ADAM12: variants seen among roughly 807,000 people sequenced by gnomAD.
The protein encoded by ADAM12 is ADAM metallopeptidase domain 12.
ADAM12 carries 70 observed loss-of-function variants against 106.4 expected under a neutral mutation model. The observed-to-expected ratio is 0.66, with a 90% CI of 0.54 to 0.80. The LOEUF (loss-of-function observed/expected upper bound fraction) is 0.80, where lower values mean the gene tolerates loss of function less well. Ranked by LOEUF, ADAM12 falls within the 30% of genes least tolerant of loss-of-function variation. ADAM12 has a pLI of 0.00. For synonymous variants in ADAM12, 420 were observed against 433.5 expected (o/e 0.97, Z 0.39); for missense variants, 1,010 against 1,171.9 (o/e 0.86, Z 2.02).
intron 3 of ADAM12, among the ~76,000 whole-genome samples, chr10:126,156,624 A>G (rs1956820434): frequency 6.6e-6 from 1 of 152,236 alleles, no homozygotes; most frequent in Admixed American, 6.5e-5. Flanking sequence ...TGTTCAAAAC[A>G]CCAAGAACCT....
intron 3 of ADAM12, among the ~76,000 whole-genome samples, chr10:126,252,650 G>C (rs543512480): frequency 6.6e-6 from 1 of 152,202 alleles, no homozygotes; most frequent in Admixed American, 6.5e-5. Context: ...TGACTGGATG[G>C]TGCCCACCCA....
chr10:126,133,152 T>C (rs61863387), intron 5 of ADAM12, among the ~76,000 whole-genome samples: 24,686 of 152,114 alleles, frequency 0.16, 2,356 homozygotes, highest in South Asian at 0.28. Flanking sequence ...CTCAGGATGA[T>C]ACTTCATTAC....
chr10:126,123,214 G>A (rs376991532), intron 5 of ADAM12, among the ~76,000 whole-genome samples: 165 of 152,294 alleles, frequency 1.1e-3, no homozygotes, highest in African/African-American at 3.9e-3. Flanking sequence ...AGCATTCAGG[G>A]TTTCTGAGAT....
intron 1 of ADAM12, among the ~76,000 whole-genome samples, chr10:126,355,201 A>C (rs1855496316): frequency 6.6e-6 from 1 of 152,256 alleles, no homozygotes; most frequent in South Asian, 2.1e-4. Flanking sequence ...CAATAAAAAG[A>C]CAAAGGAGTT....
intron 6 of ADAM12, among the ~76,000 whole-genome samples, chr10:126,116,945 A>G (rs1955994650): frequency 6.6e-6 from 1 of 152,206 alleles, no homozygotes; most frequent in Non-Finnish European, 1.5e-5. Context: ...AGTGCTAAGC[A>G]GTGGTCTACT....
intron 1 of ADAM12, among the ~76,000 whole-genome samples, chr10:126,352,229 C>T (rs1438613640): frequency 2.0e-5 from 3 of 152,196 alleles, no homozygotes; most frequent in Non-Finnish European, 4.4e-5. Context: ...CCCTTTTTCA[C>T]AAAGAGAACA....
intron 3 of ADAM12, among the ~76,000 whole-genome samples, chr10:126,159,080 C>T (rs1016488060): frequency 5.9e-5 from 9 of 152,088 alleles, no homozygotes; most frequent in African/African-American, 1.9e-4. Flanking sequence ...GAGGCCAAGG[C>T]GGGCAGATCA....
At chr10:126,067,202 T>G (rs1406782570) in intron 12 of ADAM12, among the ~76,000 whole-genome samples, 2 of 152,250 alleles carry the variant, frequency 1.3e-5, no homozygotes, top group African/African-American at 4.8e-5. Flanking sequence ...TATACATAGA[T>G]GCATACAATC....
At chr10:126,051,775 C>G (rs951858650) in intron 14 of ADAM12, among the ~76,000 whole-genome samples, 7 of 152,220 alleles carry the variant, frequency 4.6e-5, no homozygotes, top group African/African-American at 1.7e-4. Flanking sequence ...AGGGACCAAA[C>G]TGGACAAACC....
rs779747103 is a variant in ADAM12, at chr10:126,049,832, C to G, written c.1610-163G>C. On this transcript the variant is annotated intron_variant, in intron 14 of 22. Coordinates refer to ENST00000448723, the MANE Select transcript of ADAM12 (RefSeq NM_001288973.2). The surrounding 1 kb of genome is among the most constrained non-coding windows in gnomAD (Gnocchi z 4.4). The stretch of plus-strand genomic sequence containing the variant: ...GCTGGCCAGGGGAAGCCTAGGGTGT[C>G]AGCAGCTCGCATCCTCTCTTGACTC... Among the ~76,000 whole-genome samples the G allele has an allele frequency of 2.0e-5, 3 of 152,100 alleles. No individual in the cohort carries two copies. Among genetic ancestry groups the G allele is most frequent in the Non-Finnish European group, 4.4e-5 (3 of 68,024 alleles).
At chr10:126,045,630 G>A (rs781515712) in intron 17 of ADAM12, among the ~76,000 whole-genome samples, 2 of 152,152 alleles carry the variant, frequency 1.3e-5, no homozygotes, top group Admixed American at 6.5e-5. Flanking sequence ...AACCCATTGT[G>A]TGTGATTTCA....
chr10:126,133,273 T>G (rs1324125879), intron 5 of ADAM12, among the ~76,000 whole-genome samples: 2 of 152,172 alleles, frequency 1.3e-5, no homozygotes, highest in Non-Finnish European at 2.9e-5. Context: ...GAGCGCCCAC[T>G]CTGCATGCTG....
chr10:126,298,122 C>T lies in ADAM12; in HGVS notation c.187-19134G>A, dbSNP rs115617835. The stretch of plus-strand genomic sequence containing the variant: ...GCACCAACCAACCATATGACATCAT[C>T]TAGCGGCTCAATTTGTCTTTAAGCT... On this transcript the variant is annotated intron_variant, in intron 2 of 22. Coordinates refer to ENST00000448723, the MANE Select transcript of ADAM12 (RefSeq NM_001288973.2). Among the ~76,000 whole-genome samples the T allele has an allele frequency of 6.1e-3, 936 of 152,198 alleles. 8 individuals carry two copies. The highest frequency in any genetic ancestry group is 0.021 in the African/African-American group (890 of 41,540).
intron 3 of ADAM12, among the ~76,000 whole-genome samples, chr10:126,174,353 A>C (rs1219402224): frequency 1.3e-5 from 2 of 152,004 alleles, no homozygotes; most frequent in East Asian, 3.9e-4. Flanking sequence ...CCGGCTATCC[A>C]AGTCGGCAAA....
chr10:126,386,565 A>G (rs1176770635), intron 1 of ADAM12, among the ~76,000 whole-genome samples: 1 of 152,066 alleles, frequency 6.6e-6, no homozygotes, highest in African/African-American at 2.4e-5. Flanking sequence ...TCTTAAGGAA[A>G]CACTCTCTCT....
chr10:126,219,005 C>A (rs901292830), intron 3 of ADAM12, among the ~76,000 whole-genome samples: 1 of 152,168 alleles, frequency 6.6e-6, no homozygotes, highest in Non-Finnish European at 1.5e-5. Context: ...GGTAATGTTA[C>A]CCTCAATTTA....
intron 21 of ADAM12, among the ~76,000 whole-genome samples, chr10:126,033,791 G>C (rs1443660770): frequency 6.6e-6 from 1 of 152,148 alleles, no homozygotes; most frequent in African/African-American, 2.4e-5. Flanking sequence ...CATCACCATG[G>C]AGTCCAGAAG....
chr10:126,378,001 T>G (rs1856355396), intron 1 of ADAM12, among the ~76,000 whole-genome samples: 1 of 151,948 alleles, frequency 6.6e-6, no homozygotes, highest in Non-Finnish European at 1.5e-5. Flanking sequence ...AAAAGAAACA[T>G]GAGTAAATAA....
At chr10:126,035,417 T>C (rs1214188529) in intron 21 of ADAM12, among the ~76,000 whole-genome samples, 1 of 152,156 alleles carries the variant, frequency 6.6e-6, no homozygotes, top group Non-Finnish European at 1.5e-5. Flanking sequence ...TATTATTAAA[T>C]AGGATTTTTA....
Sources: gnomAD v4.1 joint callset for allele counts (sites outside exome capture counted in the v4.1 genomes callset) on GRCh38, gnomAD v4.1.1 for gene constraint, Gnocchi (gnomAD v3.1) non-coding constraint, MANE v1.5 for transcripts, NCBI Gene and HGNC (gene_info 2026-07-23, HGNC 2026-07-21) for gene names.